ROBO2: variants seen among roughly 807,000 people sequenced by gnomAD.
ROBO2 encodes roundabout guidance receptor 2.
Under a neutral mutation model 160.8 loss-of-function variants are expected in ROBO2, and 53 were observed. That is an observed-to-expected ratio of 0.33 (90% CI 0.26 to 0.41). The LOEUF (loss-of-function observed/expected upper bound fraction) is 0.41. Among genes scored for constraint, ROBO2 ranks in the 10% least tolerant of loss-of-function variants. The pLI, the probability that ROBO2 is intolerant of heterozygous loss-of-function variation, is 1.00. For missense variants in ROBO2, 1,577 were observed against 1,722.4 expected (o/e 0.92, Z 1.49); for synonymous variants, 664 against 611.7 (o/e 1.09, Z -1.26).
intron 2 of ROBO2, among the ~76,000 whole-genome samples, chr3:76,145,984 G>C (rs564955737): frequency 1.3e-5 from 2 of 151,836 alleles, no homozygotes; most frequent in African/African-American, 4.8e-5. Context: ...CCTTAATTTC[G>C]TTGATTCCAC....
chr3:76,047,673 C>T (rs56105298), intron 2 of ROBO2, among the ~76,000 whole-genome samples: 3,123 of 152,214 alleles, frequency 0.021, 43 homozygotes, highest in East Asian at 0.078. Context: ...GTAGATGTTC[C>T]GATAGGCTAG....
intron 2 of ROBO2, among the ~76,000 whole-genome samples, chr3:76,069,476 T>TC (rs1020668296): frequency 3.3e-5 from 5 of 151,826 alleles, no homozygotes; most frequent in African/African-American, 1.2e-4. Flanking sequence ...TGCCTTAGTT[T>TC]CCTATTTGCA....
chr3:76,142,882 G>T (rs1472837491), intron 2 of ROBO2, among the ~76,000 whole-genome samples: 5 of 151,918 alleles, frequency 3.3e-5, no homozygotes, highest in Admixed American at 3.3e-4. Context: ...ATTTCACATT[G>T]CAGGCCTGTA....
intron 2 of ROBO2, among the ~76,000 whole-genome samples, chr3:76,211,543 G>T (rs1464630036): frequency 6.6e-6 from 1 of 152,074 alleles, no homozygotes; most frequent in East Asian, 1.9e-4. Context: ...ATGATTGGGA[G>T]AAACATGTTC....
chr3:76,033,975 T>C (rs2067015096), intron 2 of ROBO2, among the ~76,000 whole-genome samples: 1 of 152,190 alleles, frequency 6.6e-6, no homozygotes, highest in African/African-American at 2.4e-5. Flanking sequence ...TCCTAGAACA[T>C]AACTTCCGTG....
chr3:76,466,484 C>T lies in ROBO2; in HGVS notation c.109+528882C>T, dbSNP rs578181242. On this transcript the variant is annotated intron_variant, in intron 2 of 26. Coordinates refer to the ROBO2 transcript ENST00000487694. Reference sequence around the variant, plus strand: ...CAGTAGAAAATTGATATGCAATGCTCTATTTTTTTGTTCCATGGAAATGTT... The same window carrying T: ...CAGTAGAAAATTGATATGCAATGCTTTATTTTTTTGTTCCATGGAAATGTT... Among the ~76,000 whole-genome samples the T allele has an allele frequency of 5.1e-4, 77 of 151,926 alleles. 1 individual carries two copies. The highest frequency in any genetic ancestry group is 5.9e-5 in the Non-Finnish European group (4 of 67,880).
At chr3:77,267,804 G>A (rs1012333450) in intron 2 of ROBO2, among the ~76,000 whole-genome samples, 11 of 151,980 alleles carry the variant, frequency 7.2e-5, no homozygotes, top group Admixed American at 2.0e-4. Flanking sequence ...ATTTGCCTCC[G>A]CTCTCTTCCT....
chr3:77,251,698 G>T (rs145707005), intron 2 of ROBO2, among the ~76,000 whole-genome samples: 45 of 152,130 alleles, frequency 3.0e-4, no homozygotes, highest in African/African-American at 1.1e-3. Flanking sequence ...TGAATCACGG[G>T]GGCGGTCTCC....
At chr3:76,973,985 G>T (rs1365210122) in intron 2 of ROBO2, among the ~76,000 whole-genome samples, 2 of 152,162 alleles carry the variant, frequency 1.3e-5, no homozygotes, top group African/African-American at 4.8e-5. Context: ...GGCAGGACAA[G>T]AGGTTTTGAG....
At chr3:77,126,549 C>T (rs943588827) in intron 2 of ROBO2, among the ~76,000 whole-genome samples, 2 of 152,012 alleles carry the variant, frequency 1.3e-5, no homozygotes, top group African/African-American at 4.8e-5. Context: ...CATTTCTGCC[C>T]ACAATCACCA....
intron 2 of ROBO2, among the ~76,000 whole-genome samples, chr3:76,188,547 C>T (rs1034375091): frequency 6.6e-6 from 1 of 152,030 alleles, no homozygotes; most frequent in African/African-American, 2.4e-5. Flanking sequence ...TGAACTTCTA[C>T]CCTCTAGAGT....
chr3:77,505,357 A>G (rs2088327571), intron 5 of ROBO2, among the ~76,000 whole-genome samples: 1 of 152,076 alleles, frequency 6.6e-6, no homozygotes, highest in Non-Finnish European at 1.5e-5. Flanking sequence ...ATTGGCAAAT[A>G]ATTGTATGTC....
chr3:76,263,555 C>A (rs552742165), intron 2 of ROBO2, among the ~76,000 whole-genome samples: 49 of 152,150 alleles, frequency 3.2e-4, no homozygotes, highest in Non-Finnish European at 5.7e-4. Context: ...CAGTGATAAC[C>A]AATTTGAGGA....
chr3:76,553,306 C>T (rs1346614066), intron 2 of ROBO2, among the ~76,000 whole-genome samples: 3 of 152,066 alleles, frequency 2.0e-5, no homozygotes, highest in East Asian at 1.9e-4. Flanking sequence ...GAAGAGATAT[C>T]GAATAGCGTG....
chr3:76,381,156 C>G (rs1234354281), intron 2 of ROBO2, among the ~76,000 whole-genome samples: 3 of 151,830 alleles, frequency 2.0e-5, no homozygotes, highest in Non-Finnish European at 2.9e-5. Flanking sequence ...CAAAAGTGCT[C>G]TCTTCGGGGG....
intron 2 of ROBO2, among the ~76,000 whole-genome samples, chr3:76,536,840 A>G (rs890016008): frequency 6.6e-6 from 1 of 152,118 alleles, no homozygotes; most frequent in Non-Finnish European, 1.5e-5. Flanking sequence ...GATGAGAAAG[A>G]GCCCAGATGC....
intron 2 of ROBO2, among the ~76,000 whole-genome samples, chr3:77,225,116 C>A (rs931264740): frequency 4.6e-5 from 7 of 151,792 alleles, no homozygotes; most frequent in Non-Finnish European, 1.0e-4. Flanking sequence ...ATCTATCCCT[C>A]CTGTTCTTTA....
chr3:76,721,788 A>G (rs961574063), intron 2 of ROBO2, among the ~76,000 whole-genome samples: 2 of 152,228 alleles, frequency 1.3e-5, no homozygotes, highest in African/African-American at 2.4e-5. Context: ...CATTTCAATC[A>G]TGCTAACAAT....
chr3:76,541,311 G>T (rs2108232466), intron 2 of ROBO2, among the ~76,000 whole-genome samples: 1 of 152,214 alleles, frequency 6.6e-6, no homozygotes, highest in East Asian at 1.9e-4. Flanking sequence ...TGGTATCTTT[G>T]TCAAACATGT....
Sources: gnomAD v4.1 joint callset for allele counts (sites outside exome capture counted in the v4.1 genomes callset) on GRCh38, gnomAD v4.1.1 for gene constraint, MANE v1.5 for transcripts, NCBI Gene and HGNC (gene_info 2026-07-23, HGNC 2026-07-21) for gene names.